Variants in PTPRD observed in about 807,000 individuals in gnomAD.
PTPRD encodes protein tyrosine phosphatase receptor type D, also known as receptor-type tyrosine-protein phosphatase delta.
PTPRD carries 34 observed loss-of-function variants against 214.5 expected under a neutral mutation model. The observed-to-expected ratio is 0.16, with a 90% CI of 0.12 to 0.21. The LOEUF is 0.21. Among genes scored for constraint, PTPRD ranks in the 10% least tolerant of loss-of-function variants. The pLI is 1.00. For missense variants in PTPRD, 2,545 were observed against 2,398.7 expected, an observed-to-expected ratio of 1.06 and a Z score of -1.27; for synonymous variants, 1,128 against 845.7, an observed-to-expected ratio of 1.33 and a Z score of -5.79.
chr9:10,202,471 T>C (rs892562340), intron 3 of PTPRD, among the ~76,000 whole-genome samples: 3 of 141,010 alleles, frequency 2.1e-5, no homozygotes, highest in Non-Finnish European at 3.0e-5. Context: ...GAAAGGATAC[T>C]AAATAAAATG....
chr9:9,438,192 T>G (rs1350924196), intron 8 of PTPRD, among the ~76,000 whole-genome samples: 1 of 152,146 alleles, frequency 6.6e-6, no homozygotes, highest in African/African-American at 2.4e-5. Context: ...TTTAGCATCA[T>G]ATTATGAGGT....
intron 7 of PTPRD, among the ~76,000 whole-genome samples, chr9:9,623,618 T>C (rs989088887): frequency 6.6e-6 from 1 of 152,164 alleles, no homozygotes; most frequent in African/African-American, 2.4e-5. Flanking sequence ...GGGAAATAAA[T>C]GATACAACAA....
At chr9:8,690,857 A>T (rs2097786896) in intron 12 of PTPRD, among the ~76,000 whole-genome samples, 1 of 152,222 alleles carries the variant, frequency 6.6e-6, no homozygotes, top group Admixed American at 6.5e-5. Context: ...TTGAATATTC[A>T]AGTACCTAGA....
intron 2 of PTPRD, among the ~76,000 whole-genome samples, chr9:10,407,141 T>C (rs7862596): frequency 0.61 from 91,805 of 151,094 alleles, 29,033 homozygotes; most frequent in Middle Eastern, 0.72. Context: ...CGGGCAGACA[T>C]GCAGATAAGT....
At chr9:9,394,949 G>A (rs540585844) in intron 9 of PTPRD, among the ~76,000 whole-genome samples, 1 of 152,048 alleles carries the variant, frequency 6.6e-6, no homozygotes, top group Admixed American at 6.6e-5. Context: ...GAAATCAAAT[G>A]AATTTTAATA....
intron 3 of PTPRD, among the ~76,000 whole-genome samples, chr9:10,165,680 G>A (rs1184018269): frequency 6.6e-6 from 1 of 151,534 alleles, no homozygotes; most frequent in Non-Finnish European, 1.5e-5. Context: ...AATAGTTGAT[G>A]AATGAATTAA....
intron 8 of PTPRD, among the ~76,000 whole-genome samples, chr9:9,493,478 A>C (rs2096014074): frequency 6.6e-6 from 1 of 152,114 alleles, no homozygotes; most frequent in Non-Finnish European, 1.5e-5. Context: ...TTGACTTTCC[A>C]GTTTTATTAT....
chr9:9,770,178 C>T (rs562992027), intron 5 of PTPRD, among the ~76,000 whole-genome samples: 2 of 152,264 alleles, frequency 1.3e-5, no homozygotes, highest in East Asian at 1.9e-4. Context: ...CTTGAGGAAT[C>T]GCCACACTGT....
intron 3 of PTPRD, among the ~76,000 whole-genome samples, chr9:10,143,642 C>T (rs2099002789): frequency 6.6e-6 from 1 of 152,048 alleles, no homozygotes; most frequent in African/African-American, 2.4e-5. Context: ...ATAGCAAAGA[C>T]ATGGAGTTAA....
At chr9:10,212,671 C>A (rs981635353) in intron 3 of PTPRD, among the ~76,000 whole-genome samples, 3 of 152,072 alleles carry the variant, frequency 2.0e-5, no homozygotes, top group Non-Finnish European at 2.9e-5. Context: ...GTGATTTAAT[C>A]TTTTCCCCAT....
At chr9:9,667,906 T>G (rs2096753972) in intron 7 of PTPRD, among the ~76,000 whole-genome samples, 1 of 152,102 alleles carries the variant, frequency 6.6e-6, no homozygotes, top group South Asian at 2.1e-4. Flanking sequence ...TGTAAAACAT[T>G]CTCTTAGCAA....
intron 11 of PTPRD, among the ~76,000 whole-genome samples, chr9:8,825,964 G>A (rs1257330483): frequency 6.6e-6 from 1 of 152,134 alleles, no homozygotes; most frequent in Non-Finnish European, 1.5e-5. Context: ...TTTATGGCCT[G>A]TATTTTGTAC....
At chr9:8,909,019 A>C (rs995144699) in intron 11 of PTPRD, among the ~76,000 whole-genome samples, 1 of 151,208 alleles carries the variant, frequency 6.6e-6, no homozygotes, top group African/African-American at 2.4e-5. Flanking sequence ...CTTTAAAACA[A>C]ATTATGCAAC....
intron 9 of PTPRD, among the ~76,000 whole-genome samples, chr9:9,323,480 G>T: frequency 6.6e-6 from 1 of 152,104 alleles, no homozygotes; most frequent in East Asian, 1.9e-4. Context: ...CGACCAGGTC[G>T]TCTAACTCCA....
intron 44 of PTPRD, among the ~76,000 whole-genome samples, chr9:8,321,415 A>G (rs1477576531): frequency 6.8e-6 from 1 of 146,500 alleles, no homozygotes; most frequent in African/African-American, 2.5e-5. Context: ...GAAAAGTGGT[A>G]TTTTCAGAAC....
intron 5 of PTPRD, among the ~76,000 whole-genome samples, chr9:9,820,906 C>A (rs2050479045): frequency 6.6e-6 from 1 of 152,032 alleles, no homozygotes; most frequent in Non-Finnish European, 1.5e-5. Flanking sequence ...TAGTTTGAAA[C>A]TGGGTAATGT....
intron 2 of PTPRD, among the ~76,000 whole-genome samples, chr9:10,575,879 T>C (rs779793572): frequency 9.9e-5 from 15 of 152,170 alleles, no homozygotes; most frequent in Non-Finnish European, 1.3e-4. Flanking sequence ...TTTCTGCTAA[T>C]TCCTCTTCCT....
At chr9:8,695,895 T>C (rs1381786531) in intron 12 of PTPRD, among the ~76,000 whole-genome samples, 5 of 152,228 alleles carry the variant, frequency 3.3e-5, no homozygotes, top group Non-Finnish European at 4.4e-5. Context: ...AATCATTTGC[T>C]TTCTCTCTAT....
intron 3 of PTPRD, among the ~76,000 whole-genome samples, chr9:10,121,986 C>T (rs1358366152): frequency 6.6e-6 from 1 of 152,166 alleles, no homozygotes. Context: ...GAGATGTTCA[C>T]AATAGCTTCG....
Sources: gnomAD v4.1 joint callset for allele counts (sites outside exome capture counted in the v4.1 genomes callset) on GRCh38, gnomAD v4.1.1 for gene constraint, MANE v1.5 for transcripts, NCBI Gene and HGNC (gene_info 2026-07-23, HGNC 2026-07-21) for gene names.